Variants in SPATA17 observed in about 807,000 individuals in gnomAD.
SPATA17 encodes spermatogenesis associated 17.
Under a neutral mutation model 62.2 loss-of-function variants are expected in SPATA17, and 53 were observed. The ratio of observed to expected loss-of-function variants is 0.85; its 90% confidence interval spans 0.68 to 1.07. The LOEUF is 1.07. SPATA17 is among the 50% of genes least tolerant of loss of function. The probability of loss-of-function intolerance (pLI) is 0.00; values close to 1 mark genes in which losing one functional copy is unlikely to be tolerated. For missense variants in SPATA17, 466 were observed against 425.5 expected, an observed-to-expected ratio of 1.10 and a Z score of -0.84; for synonymous variants, 146 against 146.8, an observed-to-expected ratio of 0.99 and a Z score of 0.04.
At chr1:217,650,992 G>T in intron 2 of SPATA17, 105 bp from the exon 3 acceptor site, 1 of 796,044 alleles carries the variant, frequency 1.3e-6, no homozygotes, top group Non-Finnish European at 2.1e-6. Context: ...ACATAAACTT[G>T]GCTTTGAATT....
chr1:217,838,420 T>A (rs1385550552), intron 9 of SPATA17, among the ~76,000 whole-genome samples: 1 of 152,066 alleles, frequency 6.6e-6, no homozygotes, highest in Non-Finnish European at 1.5e-5. Context: ...TTTCTACATC[T>A]CACTAAACTA....
At chr1:217,789,900 G>A (rs988120691) in intron 8 of SPATA17, among the ~76,000 whole-genome samples, 3 of 152,100 alleles carry the variant, frequency 2.0e-5, no homozygotes, top group Non-Finnish European at 4.4e-5. Context: ...AGCCAAGTGT[G>A]GTGGTGGGCA....
intron 5 of SPATA17, among the ~76,000 whole-genome samples, chr1:217,684,837 T>C (rs527437038): frequency 6.6e-6 from 1 of 152,242 alleles, no homozygotes; most frequent in Non-Finnish European, 1.5e-5. Context: ...AAAACTAATT[T>C]CCCAACTACT....
At chr1:217,650,402 CTCTCTCTT>C (rs952541923) in intron 2 of SPATA17, among the ~76,000 whole-genome samples, 47 of 152,114 alleles carry the variant, frequency 3.1e-4, no homozygotes, top group East Asian at 1.5e-3. Context: ...TTCTTTCTCT[CTCTCTCTT>C]TCTCTCTTTC....
chr1:217,785,409 G>A (rs1005794587), intron 8 of SPATA17, among the ~76,000 whole-genome samples: 17 of 152,124 alleles, frequency 1.1e-4, no homozygotes, highest in Admixed American at 4.6e-4. Flanking sequence ...CATGGTGGAA[G>A]GGTGAAGAGG....
intron 8 of SPATA17, among the ~76,000 whole-genome samples, chr1:217,786,750 TTTCTTCTTCTTC>T (rs35648538): frequency 1.1e-3 from 123 of 107,544 alleles, no homozygotes; most frequent in African/African-American, 3.5e-3. Flanking sequence ...TGATATTCTC[TTTCTTCTTCTTC>T]TTCTTCTTCT....
intron 5 of SPATA17, among the ~76,000 whole-genome samples, chr1:217,716,990 TCTAGAGGTTGGAA>T (rs1161695468): frequency 6.6e-6 from 1 of 152,218 alleles, no homozygotes; most frequent in African/African-American, 2.4e-5. Context: ...TAATGGCGGA[TCTAGAGGTTGGAA>T]CTCAGTCTTT....
intron 5 of SPATA17, among the ~76,000 whole-genome samples, chr1:217,728,787 T>A (rs1156955268): frequency 6.6e-6 from 1 of 152,204 alleles, no homozygotes; most frequent in Admixed American, 6.5e-5. Flanking sequence ...AAACTCAAAT[T>A]AACTTTGCAG....
At chr1:217,775,998 A>G (rs1673582252) in intron 7 of SPATA17, among the ~76,000 whole-genome samples, 1 of 152,144 alleles carries the variant, frequency 6.6e-6, no homozygotes, top group Admixed American at 6.5e-5. Context: ...ATGTATTATC[A>G]ATTTTATTGA....
At chr1:217,648,995 C>G (rs755602325) in intron 2 of SPATA17, 24 bp downstream of exon 2, 2 of 1,462,262 alleles carry the variant, frequency 1.4e-6, no homozygotes, top group Non-Finnish European at 1.9e-6. Context: ...GTCATGGAAA[C>G]CTCAGATATA....
At chr1:217,807,908 G>A (rs992475224) in intron 9 of SPATA17, among the ~76,000 whole-genome samples, 2 of 152,114 alleles carry the variant, frequency 1.3e-5, no homozygotes, top group East Asian at 3.9e-4. Flanking sequence ...TCTTAGTTGA[G>A]ATACTTTCCT....
At chr1:217,702,076 T>G (rs1671611934) in intron 5 of SPATA17, among the ~76,000 whole-genome samples, 1 of 151,830 alleles carries the variant, frequency 6.6e-6, no homozygotes, top group South Asian at 2.1e-4. Flanking sequence ...CTATTTTGAC[T>G]ACTATTTATA....
At chr1:217,855,538 C>T (rs11580868) in intron 9 of SPATA17, among the ~76,000 whole-genome samples, 61,022 of 151,872 alleles carry the variant, frequency 0.4, 12,604 homozygotes, top group Admixed American at 0.46. Context: ...TTCCTTCTGA[C>T]ATATCTTTAT....
chr1:217,820,001 A>G (rs17727351), intron 9 of SPATA17, among the ~76,000 whole-genome samples: 44,195 of 151,958 alleles, frequency 0.29, 7,706 homozygotes, highest in Non-Finnish European at 0.38. Flanking sequence ...TCATATATCG[A>G]TAAGACTGGA....
At chr1:217,823,374 G>A (rs1410129810) in intron 9 of SPATA17, among the ~76,000 whole-genome samples, 1 of 151,854 alleles carries the variant, frequency 6.6e-6, no homozygotes, top group Non-Finnish European at 1.5e-5. Flanking sequence ...TCTTTTTCTA[G>A]TTCACCAACT....
intron 5 of SPATA17, among the ~76,000 whole-genome samples, chr1:217,715,520 A>T (rs1311952972): frequency 6.6e-6 from 1 of 152,186 alleles, no homozygotes; most frequent in Non-Finnish European, 1.5e-5. Context: ...TGATCTGTGT[A>T]GTGCTGATGA....
At position 217,868,618 on chromosome 1, in the gene SPATA17, T is replaced by TG. The variant is rs1478044190; in HGVS notation, c.*1601dup. On this transcript the variant is annotated 3_prime_UTR_variant, in exon 11 of 11. Coordinates refer to ENST00000366933, the MANE Select transcript of SPATA17 (RefSeq NM_138796.4). Reference sequence around the variant, plus strand: ...AATAGTTGTATGCATACTCAAAGTATGGTTTCTACTGAATGCATTGTAAAC... The same window carrying TG: ...AATAGTTGTATGCATACTCAAAGTATGGGTTTCTACTGAATGCATTGTAAAC... 1 of 151,816 alleles carries TG rather than the reference T, an allele frequency of 6.6e-6. No homozygotes were observed. The highest frequency in any genetic ancestry group is 1.5e-5 in the Non-Finnish European group (1 of 67,968). The allele number at this position is 151,816 out of a possible 1,614,324, so 9.4% of individuals were successfully genotyped here. A position where few individuals can be genotyped will look rare whatever the true frequency, so the allele number is the denominator to read the frequency against.
chr1:217,725,460 T>C (rs1236998396), intron 5 of SPATA17, among the ~76,000 whole-genome samples: 2 of 152,214 alleles, frequency 1.3e-5, no homozygotes, highest in African/African-American at 4.8e-5. Context: ...GTTTTTATTT[T>C]AATTAATTTA....
chr1:217,750,890 T>C (rs966311102), intron 6 of SPATA17, among the ~76,000 whole-genome samples: 6 of 152,174 alleles, frequency 3.9e-5, no homozygotes, highest in Admixed American at 2.6e-4. Flanking sequence ...ACAACTAGTT[T>C]GAATACATTC....
Sources: gnomAD v4.1 joint callset for allele counts (sites outside exome capture counted in the v4.1 genomes callset) on GRCh38, gnomAD v4.1.1 for gene constraint, MANE v1.5 for transcripts, NCBI Gene and HGNC (gene_info 2026-07-23, HGNC 2026-07-21) for gene names.